Variants in NRG3 observed in about 807,000 individuals in gnomAD.
NRG3 encodes the protein neuregulin 3, also known as pro-neuregulin-3, membrane-bound isoform.
Under a neutral mutation model 66.9 loss-of-function variants are expected in NRG3, and 31 were observed. The ratio of observed to expected loss-of-function variants is 0.46; its 90% CI spans 0.35 to 0.63. The LOEUF is 0.63. Ranked by LOEUF, NRG3 falls within the 20% of genes least tolerant of loss-of-function variation. The pLI is 0.00. For synonymous variants in NRG3, 393 were observed against 359.4 expected, an observed-to-expected ratio of 1.09 and a Z score of -1.06; for missense variants, 910 against 878.9, an observed-to-expected ratio of 1.04 and a Z score of -0.45.
intron 1 of NRG3, among the ~76,000 whole-genome samples, chr10:82,063,151 A>C (rs947360545): frequency 1.1e-4 from 17 of 152,146 alleles, no homozygotes; most frequent in African/African-American, 4.1e-4. Flanking sequence ...CAAACAATTC[A>C]GTTCTTCTGT....
At chr10:82,409,647 G>T (rs2087901315) in intron 2 of NRG3, among the ~76,000 whole-genome samples, 1 of 152,148 alleles carries the variant, frequency 6.6e-6, no homozygotes, top group South Asian at 2.1e-4. Flanking sequence ...AACTCTTGCT[G>T]TATAATACGT....
chr10:82,403,890 AC>A lies in NRG3; in HGVS notation c.953+45025del, dbSNP rs146763321. ...GTTTTCCCATCTGTAAAATGGGAAA[AC>A]CCTCAACCTCAACAAATTTTTTGGG... is the stretch of plus-strand genomic sequence containing the variant. On this transcript the variant is annotated intron_variant, in intron 2 of 8. Transcript: ENST00000372141. Among the ~76,000 whole-genome samples, 787 of 152,004 alleles carry A rather than the reference AC, an allele frequency of 5.2e-3. 4 individuals carry two copies. Among genetic ancestry groups the A allele is most frequent in the African/African-American group, 0.018 (745 of 41,450 alleles).
intron 1 of NRG3, among the ~76,000 whole-genome samples, chr10:82,168,388 T>A (rs1481506320): frequency 3.3e-5 from 5 of 152,118 alleles, no homozygotes; most frequent in African/African-American, 4.8e-5. Flanking sequence ...TTTGGAGTGG[T>A]CAGAGTCCCC....
In NRG3 at chr10:82,621,011, T is replaced by A. The variant is rs1261658620; in HGVS notation, c.954-117566T>A. On this transcript the variant is annotated intron_variant, in intron 2 of 8. Coordinates refer to ENST00000372141, the MANE Select transcript of NRG3 (RefSeq NM_001010848.4). ...TTATTTAGTATTTATAATATCTTAG[T>A]GAGATAGAGATTTTAAATTTCATTT... is the stretch of plus-strand genomic sequence containing the variant. 2.6e-5 allele frequency among the ~76,000 whole-genome samples: 4 copies of A among 152,230 alleles called. 1 individual carries two copies. The South Asian group carries it at 8.3e-4, about 32-fold the overall frequency.
intron 1 of NRG3, among the ~76,000 whole-genome samples, chr10:82,019,168 G>A (rs1349917258): frequency 6.6e-6 from 1 of 152,058 alleles, no homozygotes; most frequent in Non-Finnish European, 1.5e-5. Flanking sequence ...TTTGTCAGAG[G>A]CCTTTTCTGC....
intron 2 of NRG3, among the ~76,000 whole-genome samples, chr10:82,597,594 T>C (rs1005810099): frequency 2.0e-5 from 3 of 152,194 alleles, no homozygotes; most frequent in African/African-American, 7.2e-5. Flanking sequence ...ACTGTGCTTC[T>C]TTTGCTTTTT....
intron 1 of NRG3, among the ~76,000 whole-genome samples, chr10:81,995,376 A>G (rs1209368104): frequency 3.3e-5 from 5 of 152,000 alleles, no homozygotes. Flanking sequence ...AGGTTCACTG[A>G]TTTTCCTGTT....
chr10:82,756,820 G>GTT (rs543330930), intron 3 of NRG3, among the ~76,000 whole-genome samples: 4 of 142,122 alleles, frequency 2.8e-5, no homozygotes, highest in African/African-American at 2.6e-5. Context: ...AAGCACTACT[G>GTT]TTTTTTTTTT....
At chr10:82,440,670 A>G (rs777056454) in intron 2 of NRG3, among the ~76,000 whole-genome samples, 2 of 152,240 alleles carry the variant, frequency 1.3e-5, no homozygotes, top group South Asian at 2.1e-4. Flanking sequence ...GAACTATGCA[A>G]TCAATTTACC....
intron 2 of NRG3, among the ~76,000 whole-genome samples, chr10:82,468,226 C>T (rs187187356): frequency 2.6e-5 from 4 of 152,368 alleles, no homozygotes; most frequent in South Asian, 2.1e-4. Flanking sequence ...CACCACATCA[C>T]GCTGGATTCC....
chr10:82,668,380 T>C (rs950881229), intron 2 of NRG3, among the ~76,000 whole-genome samples: 1 of 152,206 alleles, frequency 6.6e-6, no homozygotes, highest in Non-Finnish European at 1.5e-5. Flanking sequence ...TTAGATTCTA[T>C]ATTTTTAATG....
intron 2 of NRG3, among the ~76,000 whole-genome samples, chr10:82,461,992 A>T (rs1254634091): frequency 2.0e-5 from 3 of 152,060 alleles, no homozygotes; most frequent in Non-Finnish European, 4.4e-5. Context: ...TTAGCCAGAC[A>T]TGGTGGCACA....
At chr10:82,047,589 T>A (rs1282023893) in intron 1 of NRG3, among the ~76,000 whole-genome samples, 2 of 150,592 alleles carry the variant, frequency 1.3e-5, no homozygotes, top group Non-Finnish European at 3.0e-5. Flanking sequence ...CTAAAAGAGC[T>A]CCTGAAGGAA....
intron 2 of NRG3, among the ~76,000 whole-genome samples, chr10:82,713,119 C>CAAAA (rs369968319): frequency 2.2e-4 from 12 of 55,360 alleles, no homozygotes; most frequent in African/African-American, 5.2e-4. Flanking sequence ...GACTTCATCT[C>CAAAA]AAAAAAAAAA....
intron 2 of NRG3, among the ~76,000 whole-genome samples, chr10:82,421,983 G>A (rs2089114714): frequency 1.3e-5 from 2 of 152,066 alleles, no homozygotes; most frequent in African/African-American, 4.8e-5. Context: ...TTGTTAGCTT[G>A]AGAACCAGAA....
Position 82,794,564 on chromosome 10 carries a change from T to C in NRG3, c.1027+55914T>C, listed in dbSNP as rs141420789. On this transcript the variant is annotated intron_variant, in intron 3 of 8. Coordinates refer to ENST00000372141, the MANE Select transcript of NRG3 (RefSeq NM_001010848.4). ...TCCCTAAAGGCTTATGCTTTGTGAC[T>C]GAAAACAATGCTTAATAAGCAGAAG... Among the ~76,000 whole-genome samples the C allele has an allele frequency of 6.8e-3, 1,042 of 152,260 alleles. 8 individuals carry two copies. Among genetic ancestry groups the C allele is most frequent in the African/African-American group, 0.024 (999 of 41,552 alleles).
intron 1 of NRG3, among the ~76,000 whole-genome samples, chr10:82,163,675 G>A (rs74144184): frequency 0.022 from 3,282 of 152,214 alleles, 120 homozygotes; most frequent in African/African-American, 0.075. Flanking sequence ...CTGAGGAGGA[G>A]CAATCTAGGC....
intron 2 of NRG3, among the ~76,000 whole-genome samples, chr10:82,697,866 G>A (rs959171124): frequency 2.9e-4 from 44 of 152,170 alleles, no homozygotes; most frequent in Admixed American, 8.5e-4. Flanking sequence ...TCTGGGACCC[G>A]TCAGTATCTG....
chr10:82,439,956 GT>G (rs1235943597), intron 2 of NRG3, among the ~76,000 whole-genome samples: 3 of 151,820 alleles, frequency 2.0e-5, no homozygotes, highest in African/African-American at 7.3e-5. Context: ...TTTGTTTTAG[GT>G]TTCATAAAAT....
Sources: gnomAD v4.1 joint callset for allele counts (sites outside exome capture counted in the v4.1 genomes callset) on GRCh38, gnomAD v4.1.1 for gene constraint, MANE v1.5 for transcripts, NCBI Gene and HGNC (gene_info 2026-07-23, HGNC 2026-07-21) for gene names.